Variants in SI observed in about 807,000 individuals in gnomAD.
The protein encoded by SI is sucrase-isomaltase, also known as sucrase-isomaltase, intestinal.
Under a neutral mutation model 253.3 loss-of-function variants are expected in SI, and 235 were observed. The observed-to-expected ratio is 0.93, with a 90% CI of 0.83 to 1.03. SI has a LOEUF of 1.03. Ranked by LOEUF, SI falls within the 50% of genes least tolerant of loss-of-function variation. The pLI is 0.00. For synonymous variants in SI, 819 were observed against 712.0 expected, an observed-to-expected ratio of 1.15 and a Z score of -2.39; for missense variants, 2,442 against 2,211.1, an observed-to-expected ratio of 1.10 and a Z score of -2.09.
At chr3:165,085,598 T>C in the SI span, among the ~76,000 whole-genome samples, 3 of 152,146 alleles carry the variant, frequency 2.0e-5, no homozygotes, top group Non-Finnish European at 4.4e-5. Context: ...AACCTATCGG[T>C]ATGTTAAATA....
Position 165,049,801 on chromosome 3 carries a change from C to A in SI, c.1587G>T (p.Pro529=), listed in dbSNP as rs531422962. The A allele has an allele frequency of 3.1e-6, 5 of 1,588,756 alleles. No homozygotes were observed. The South Asian group carries it at 5.5e-5, about 18-fold the overall frequency. The change falls in exon 14 of 48, where the codon CCG becomes CCT. Residue 529 remains proline (P), a synonymous_variant. Coordinates refer to ENST00000264382, the MANE Select transcript of SI (RefSeq NM_001041.4). ...CCAAATAAATTTTACCAGGAGTAAACGGTGGATAATTCAATTTGTTTACAT... is the reference window on the plus strand; with the variant it reads ...CCAAATAAATTTTACCAGGAGTAAAAGGTGGATAATTCAATTTGTTTACAT... ...GCNVNKLNYP[P]FTPDILDKLM...
Position 165,029,641 on chromosome 3 carries a change from T to A in SI, c.2892+1071A>T, listed in dbSNP as rs74826277. Among the ~76,000 whole-genome samples the A allele has an allele frequency of 8.6e-3, 1,258 of 146,212 alleles. 48 individuals carry two copies. The highest frequency in any genetic ancestry group is 0.069 in the Admixed American group (991 of 14,412). ...ATATGTAACATTAGCCTTATATATA[T>A]ATATAACATTAAAATTATTTAATAG... On this transcript the variant is annotated intron_variant, in intron 25 of 47. Transcript: ENST00000264382.
At chr3:165,051,716 C>A (rs1230789264) in intron 13 of SI, among the ~76,000 whole-genome samples, 1 of 151,896 alleles carries the variant, frequency 6.6e-6, no homozygotes, top group Non-Finnish European at 1.5e-5. Context: ...GTAAAACACT[C>A]ATCTATGATA....
intron 1 of SI, among the ~76,000 whole-genome samples, chr3:165,077,640 GC>G (rs758574316): frequency 6.6e-6 from 1 of 151,568 alleles, no homozygotes; most frequent in Non-Finnish European, 1.5e-5. Flanking sequence ...AAGCCCAGTT[GC>G]GTGATGTTAT....
intron 15 of SI, among the ~76,000 whole-genome samples, 173 bp from the exon 16 acceptor site, chr3:165,047,185 G>T (rs564300970): frequency 6.6e-6 from 1 of 152,004 alleles, no homozygotes. Flanking sequence ...AGAGAAACCC[G>T]ATGGGAGATG....
In SI at chr3:164,996,670, T is replaced by C. The variant is rs774573006; in HGVS notation, c.4576-19A>G. 5.7e-6 allele frequency: 8 copies of C among 1,408,256 alleles called. No homozygotes were observed. The highest frequency in any genetic ancestry group is 1.0e-6 in the Non-Finnish European group (1 of 995,708). The allele number at this position is 1,408,256 out of a possible 1,614,324, so 87.2% of individuals were successfully genotyped here. ...CTCCAGTCTAAAATATATTGTTATA[T>C]TTAGTTAAATTTGAATAGTTTATGA... On this transcript the variant is annotated intron_variant, in intron 39 of 47. Coordinates refer to ENST00000264382, the MANE Select transcript of SI (RefSeq NM_001041.4).
chr3:164,987,193 T>G lies in SI; in HGVS notation c.5142A>C (p.Ala1714=). ...AACCCTGTGCCATCTGATTATCATC[T>G]GCAGCAACAATGAGCTTCATGTGTT... is the stretch of plus-strand genomic sequence containing the variant. The part of the protein sequence containing the change: ...RQKHMKLIVA[A]DDNQMAQGSL... Residue 1714 remains alanine (A), a synonymous_variant, in exon 45 of 48, where the codon GCA becomes GCC. Coordinates refer to ENST00000264382, the MANE Select transcript of SI (RefSeq NM_001041.4). The G allele has an allele frequency of 6.2e-7, 1 of 1,613,764 alleles. No homozygotes were observed. The highest frequency in any genetic ancestry group is 8.5e-7 in the Non-Finnish European group (1 of 1,179,778).
In SI at chr3:164,991,485, T is replaced by C. The variant is rs761818710; in HGVS notation, c.4984-8A>G. 4 of 1,613,154 alleles carry C rather than the reference T, an allele frequency of 2.5e-6. No individual in the cohort carries two copies. The East Asian group carries it at 6.7e-5, about 27-fold the overall frequency. ...GACGCCAATATCTTTGCCCTGGAAATGAAAGGGATGGAAAGAACAGGTGGA... is the reference window on the plus strand; with the variant it reads ...GACGCCAATATCTTTGCCCTGGAAACGAAAGGGATGGAAAGAACAGGTGGA... On this transcript the variant is annotated splice_region_variant and splice_polypyrimidine_tract_variant and intron_variant, in intron 43 of 47. Transcript: ENST00000264382.
At chr3:165,013,120 G>A in intron 33 of SI, 78 bp from the exon 34 acceptor site, 2 of 891,100 alleles carry the variant, frequency 2.2e-6, no homozygotes, top group South Asian at 2.6e-5. Context: ...GAAGTGTAAT[G>A]GAGTATTAGA....
chr3:165,049,413 G>T (rs1576909389), intron 14 of SI, among the ~76,000 whole-genome samples, 169 bp from the exon 15 acceptor site: 1 of 151,866 alleles, frequency 6.6e-6, no homozygotes, highest in Admixed American at 6.6e-5. Context: ...TTCCAATTAG[G>T]TCCTCATCTT....
chr3:165,066,394 T>A (rs977885283), intron 6 of SI, among the ~76,000 whole-genome samples: 1 of 152,080 alleles, frequency 6.6e-6, no homozygotes, highest in Admixed American at 6.6e-5. Flanking sequence ...CATTATTTGA[T>A]GATAAAACTA....
At position 165,059,244 on chromosome 3, in the gene SI, T is replaced by A. The variant is rs752577857; in HGVS notation, c.1202A>T (p.Asp401Val). 1.2e-6 allele frequency: 2 copies of A among 1,612,714 alleles called. No individual in the cohort carries two copies. Among genetic ancestry groups the A allele is most frequent in the Non-Finnish European group, 1.7e-6 (2 of 1,179,146 alleles). The change falls in exon 11 of 48, where the codon GAT becomes GTT. Residue 401 changes from aspartate to valine, a missense_variant. By Grantham distance (152) the Asp-to-Val change is radical. Coordinates refer to ENST00000264382, the MANE Select transcript of SI (RefSeq NM_001041.4). ...YMEDKKDFTY[D>V]QVAFNGLPQF... is the part of the protein sequence containing the mutation. The stretch of plus-strand genomic sequence containing the variant: ...AGGGAGTCCGTTAAACGCAACTTGA[T>A]CATAAGTAAAGTCTTTCTTGTCTTC...
rs926230960 is a variant in SI, at chr3:165,049,263, G to C, written c.1598-19C>G. The C allele has an allele frequency of 7.8e-7, 1 of 1,285,952 alleles. No individual in the cohort carries two copies. The highest frequency in any genetic ancestry group is 1.1e-6 in the Non-Finnish European group (1 of 884,416). 79.7% of individuals were successfully genotyped at this position (1,285,952 alleles called of 1,614,324 possible). ...AGAATATCTTTGAGAAAATACATAA[G>C]AAACATTTCTTATATTTTTCCATTA... On this transcript the variant is annotated intron_variant, in intron 14 of 47. Coordinates refer to ENST00000264382, the MANE Select transcript of SI (RefSeq NM_001041.4).
the SI span, among the ~76,000 whole-genome samples, chr3:165,088,398 A>T: frequency 2.0e-5 from 3 of 151,764 alleles, no homozygotes; most frequent in African/African-American, 7.3e-5. Context: ...GAATCCCAGC[A>T]CTTTGGGAGG....
chr3:165,003,163 T>C (rs1051726611), intron 37 of SI, among the ~76,000 whole-genome samples: 1 of 151,922 alleles, frequency 6.6e-6, no homozygotes, highest in Admixed American at 6.6e-5. Flanking sequence ...GCATCCACAA[T>C]GTGTCAAGAA....
chr3:164,994,589 C>A lies in SI; in HGVS notation c.4693-184G>T, dbSNP rs572414785. ...TCACATGATAAAGAGAAAAGGTACACAACATTTTAATAAGAGAAATTCAAA... is the reference window on the plus strand; with the variant it reads ...TCACATGATAAAGAGAAAAGGTACAAAACATTTTAATAAGAGAAATTCAAA... On this transcript the variant is annotated intron_variant, in intron 40 of 47. Transcript: ENST00000264382. 3.3e-5 allele frequency among the ~76,000 whole-genome samples: 5 copies of A among 151,782 alleles called. No individual in the cohort carries two copies. The East Asian group carries it at 9.7e-4, about 29-fold the overall frequency.
Position 164,991,906 on chromosome 3 carries a change from A to G in SI, c.4983+271T>C, listed in dbSNP as rs183724758. Among the ~76,000 whole-genome samples the G allele has an allele frequency of 4.6e-5, 7 of 152,260 alleles. No individual in the cohort carries two copies. The East Asian group carries it at 1.4e-3, about 29-fold the overall frequency. On this transcript the variant is annotated intron_variant, in intron 43 of 47. Coordinates refer to ENST00000264382, the MANE Select transcript of SI (RefSeq NM_001041.4). ...CCTTTAATGATCATTTTATATATCC[A>G]ATAAAAGACAATTATCTTTTTGTAT...
At chr3:164,996,496 A>C in intron 40 of SI, 39 bp downstream of exon 40, 1 of 1,072,634 alleles carries the variant, frequency 9.3e-7, no homozygotes, top group South Asian at 1.2e-5. Flanking sequence ...GCATAGCCCA[A>C]GTAAGAAAAT....
upstream of SI, among the ~76,000 whole-genome samples, chr3:165,080,937 A>G (rs1408594209): frequency 6.6e-6 from 1 of 151,960 alleles, no homozygotes; most frequent in Admixed American, 6.6e-5. Context: ...GACAGAAAAA[A>G]AAAACTTTGT....
Sources: gnomAD v4.1 joint callset for allele counts (sites outside exome capture counted in the v4.1 genomes callset) on GRCh38, gnomAD v4.1.1 for gene constraint, MANE v1.5 for transcripts, NCBI Gene and HGNC (gene_info 2026-07-23, HGNC 2026-07-21) for gene names.